The following SP4 variants were observed in gnomAD, a reference collection of about 807,000 sequenced individuals.
The protein encoded by SP4 is Sp4 transcription factor, also known as transcription factor Sp4.
A neutral mutation model predicts 72.8 loss-of-function variants in SP4; 19 were observed. The ratio of observed to expected loss-of-function variants is 0.26; its 90% confidence interval spans 0.18 to 0.38. The LOEUF (loss-of-function observed/expected upper bound fraction) is 0.38, where lower values mean the gene tolerates loss of function less well. SP4 is among the 10% of genes least tolerant of loss of function. SP4 has a pLI of 1.00. For synonymous variants in SP4, 395 were observed against 333.1 expected, an observed-to-expected ratio of 1.19 and a Z score of -2.02; for missense variants, 1,008 against 926.3, an observed-to-expected ratio of 1.09 and a Z score of -1.14.
intron 3 of SP4, among the ~76,000 whole-genome samples, chr7:21,451,881 C>T (rs1562595562): frequency 6.6e-6 from 1 of 152,228 alleles, no homozygotes; most frequent in Non-Finnish European, 1.5e-5. Flanking sequence ...AGACTCCCAA[C>T]ATGCCAGGCA....
rs1405607225 is a variant in SP4 at position 21,429,787 on chromosome 7, C to G, written c.622C>G (p.Leu208Val). 2 of 1,614,156 alleles carry G rather than the reference C, an allele frequency of 1.2e-6. No homozygotes were observed. The highest frequency in any genetic ancestry group is 4.5e-5 in the East Asian group (2 of 44,884). The change falls in exon 3 of 6, where the codon CTC becomes GTC. Residue 208 changes from leucine (L) to valine (V), a missense_variant. Leu to Val is a conservative substitution (Grantham distance 32, BLOSUM62 1). Around this residue, in one of 3 missense-constraint regions of SP4, gnomAD observed 893 missense variants for 743.3 expected, o/e 1.20. Coordinates refer to ENST00000222584, the MANE Select transcript of SP4 (RefSeq NM_003112.5). ...TTCTGCAGGTAATAATCAAGCTATA[C>G]TCACAGCTGCTAACAGGACAGCTTC... ...LISAGNNQAI[L>V]TAANRTASGN...
intron 3 of SP4, among the ~76,000 whole-genome samples, chr7:21,466,108 G>T (rs1784160663): frequency 6.6e-6 from 1 of 151,962 alleles, no homozygotes; most frequent in African/African-American, 2.4e-5. Context: ...TGTTAAGTAG[G>T]CATTTTATGC....
intron 3 of SP4, among the ~76,000 whole-genome samples, chr7:21,475,986 G>A (rs1358922497): frequency 6.6e-6 from 1 of 152,004 alleles, no homozygotes; most frequent in Non-Finnish European, 1.5e-5. Flanking sequence ...ATAAGGCATT[G>A]TAGGCCGGGC....
At chr7:21,473,053 T>C (rs1784397482) in intron 3 of SP4, among the ~76,000 whole-genome samples, 2 of 152,210 alleles carry the variant, frequency 1.3e-5, no homozygotes, top group African/African-American at 4.8e-5. Context: ...TTAAATGTTA[T>C]TGAGCACGAA....
chr7:21,467,713 A>G (rs1784211041), intron 3 of SP4, among the ~76,000 whole-genome samples: 1 of 152,142 alleles, frequency 6.6e-6, no homozygotes, highest in Non-Finnish European at 1.5e-5. Flanking sequence ...GCAGATTCCA[A>G]GTTTAATCTG....
At position 21,430,019 on chromosome 7, in the gene SP4, A is replaced by G. The variant is rs777480528; in HGVS notation, c.854A>G (p.Gln285Arg). 5 of 1,614,218 alleles carry G rather than the reference A, an allele frequency of 3.1e-6. No individual in the cohort carries two copies. In the Admixed American group the frequency reaches 8.3e-5, roughly 27 times the overall value. ...GGAGGAGGGACTGGGCAGGTTGGCC[A>G]GCCTGCTGCTACTGCTGATAGTGGG... ...AAGGGTGQVG[Q>R]PAATADSGTS... Residue 285 changes from glutamine (Q) to arginine (R), a missense_variant, in exon 3 of 6, where the codon CAG (glutamine) becomes CGG (arginine). Coordinates refer to ENST00000222584, the MANE Select transcript of SP4 (RefSeq NM_003112.5).
chr7:21,478,011 A>C (rs1784560268), intron 4 of SP4, among the ~76,000 whole-genome samples: 2 of 152,260 alleles, frequency 1.3e-5, no homozygotes, highest in South Asian at 4.2e-4. Context: ...TCCCCAGAAT[A>C]AATTCTGTAT....
At chr7:21,448,207 T>A (rs560587259) in intron 3 of SP4, among the ~76,000 whole-genome samples, 6 of 152,324 alleles carry the variant, frequency 3.9e-5, no homozygotes, top group African/African-American at 1.4e-4. Flanking sequence ...AAGAGCTGTT[T>A]TGGAAGTAAT....
intron 5 of SP4, among the ~76,000 whole-genome samples, chr7:21,504,931 C>G (rs1205115244): frequency 2.6e-5 from 4 of 152,126 alleles, no homozygotes; most frequent in Non-Finnish European, 5.9e-5. Flanking sequence ...TCTTCCCTCC[C>G]CAGGTTTGAG....
chr7:21,431,610 A>C (rs998656738), intron 3 of SP4, among the ~76,000 whole-genome samples: 1 of 152,240 alleles, frequency 6.6e-6, no homozygotes, highest in South Asian at 2.1e-4. Flanking sequence ...TTTTAAACCT[A>C]TTGTAAAAGC....
chr7:21,493,783 T>C (rs1785038622), intron 5 of SP4, among the ~76,000 whole-genome samples: 1 of 152,144 alleles, frequency 6.6e-6, no homozygotes, highest in Non-Finnish European at 1.5e-5. Flanking sequence ...TAATACCAAA[T>C]TCTACAATTT....
chr7:21,502,135 C>T (rs548989688), intron 5 of SP4, among the ~76,000 whole-genome samples: 23 of 140,586 alleles, frequency 1.6e-4, no homozygotes, highest in South Asian at 9.4e-4. Flanking sequence ...TGTGTATTTT[C>T]GGGTATCTTA....
At chr7:21,495,485 A>G (rs374106756) in intron 5 of SP4, among the ~76,000 whole-genome samples, 5 of 152,276 alleles carry the variant, frequency 3.3e-5, no homozygotes, top group African/African-American at 1.2e-4. Context: ...AAGTGCATGA[A>G]AAGATGTCTG....
intron 5 of SP4, among the ~76,000 whole-genome samples, chr7:21,487,351 T>C (rs1465955335): frequency 6.6e-6 from 1 of 151,794 alleles, no homozygotes; most frequent in Non-Finnish European, 1.5e-5. Flanking sequence ...TCTCTCTTTC[T>C]CTGTCTCTCT....
At chr7:21,450,437 C>T (rs1473119502) in intron 3 of SP4, among the ~76,000 whole-genome samples, 1 of 151,880 alleles carries the variant, frequency 6.6e-6, no homozygotes, top group African/African-American at 2.4e-5. Context: ...CAATAGGTTT[C>T]TGTTATATTC....
intron 3 of SP4, among the ~76,000 whole-genome samples, chr7:21,467,524 A>G (rs1042959432): frequency 3.3e-5 from 5 of 152,180 alleles, no homozygotes; most frequent in African/African-American, 9.6e-5. Context: ...TCTCCTTTCT[A>G]TCCTCCCCAG....
At position 21,455,180 on chromosome 7, in the gene SP4, G is replaced by C. The variant is rs1262079870; in HGVS notation, c.1679-21899G>C. On this transcript the variant is annotated intron_variant, in intron 3 of 5. Coordinates refer to ENST00000222584, the MANE Select transcript of SP4 (RefSeq NM_003112.5). ...GTCCTGTTCCAGTGGCTGAGCTTGT[G>C]GCAGAGGGGTCAAGCTGTGCAGGGA... Among the ~76,000 whole-genome samples the C allele has an allele frequency of 2.0e-5, 3 of 152,164 alleles. No homozygotes were observed. The East Asian group carries it at 5.8e-4, about 29-fold the overall frequency.
intron 5 of SP4, among the ~76,000 whole-genome samples, chr7:21,492,736 A>G (rs1475765994): frequency 1.3e-5 from 2 of 152,248 alleles, no homozygotes; most frequent in African/African-American, 4.8e-5. Context: ...ATACTGTCCA[A>G]TGACATTTTT....
intron 3 of SP4, among the ~76,000 whole-genome samples, chr7:21,445,668 TA>T (rs1483018999): frequency 6.6e-6 from 1 of 152,156 alleles, no homozygotes; most frequent in Non-Finnish European, 1.5e-5. Flanking sequence ...TTAGAAAGTT[TA>T]AATAATTTGC....
Sources: gnomAD v4.1 joint callset for allele counts (sites outside exome capture counted in the v4.1 genomes callset) on GRCh38, gnomAD v4.1.1 for gene constraint, gnomAD v4.1.1 regional missense constraint, MANE v1.5 for transcripts, NCBI Gene and HGNC (gene_info 2026-07-23, HGNC 2026-07-21) for gene names.